Variants in GATC observed in about 807,000 individuals in gnomAD.
The protein encoded by GATC is glutamyl-tRNA(Gln) amidotransferase subunit C, mitochondrial.
A neutral mutation model predicts 14.4 loss-of-function variants in GATC; 11 were observed. The observed-to-expected ratio is 0.77, with a 90% CI of 0.48 to 1.27. The LOEUF is 1.27. GATC is among the 50% of genes most tolerant of loss of function. The pLI is 0.00. For synonymous variants in GATC, 76 were observed against 79.3 expected, an observed-to-expected ratio of 0.96 and a Z score of 0.22; for missense variants, 204 against 183.0, an observed-to-expected ratio of 1.11 and a Z score of -0.66.
intron 2 of GATC, among the ~76,000 whole-genome samples, chr12:120,454,491 G>A (rs375286296): frequency 1.2e-4 from 18 of 151,872 alleles, no homozygotes; most frequent in African/African-American, 4.3e-4. Context: ...CATGATATCC[G>A]CTCACTGCAA....
chr12:120,459,684 G>A (rs1878278932), intron 3 of GATC, among the ~76,000 whole-genome samples: 2 of 152,030 alleles, frequency 1.3e-5, no homozygotes, highest in South Asian at 2.1e-4. Flanking sequence ...GTGAAACCCC[G>A]TCTCTATTAA....
rs1565911904 is a variant in GATC at position 120,446,739 on chromosome 12, C to T, written c.164C>T (p.Ala55Val). ...GACTTCGGCAGCCGCGAGGCAGTGG[C>T]GCGACTGGAGAAAGCTATCGCCTTC... ...LVDFGSREAV[A>V]RLEKAIAFAD... Residue 55 changes from alanine to valine, a missense_variant, in exon 2 of 4, where the codon GCG becomes GTG. Transcript: ENST00000551765. 5 of 1,614,028 alleles carry T rather than the reference C, an allele frequency of 3.1e-6. No individual in the cohort carries two copies. The South Asian group carries it at 4.4e-5, about 14-fold the overall frequency.
intron 2 of GATC, among the ~76,000 whole-genome samples, chr12:120,454,640 C>T (rs1347060192): frequency 6.6e-6 from 1 of 151,430 alleles, no homozygotes. Flanking sequence ...TGGTCTTGAT[C>T]TCCTGACCTC....
intron 2 of GATC, among the ~76,000 whole-genome samples, chr12:120,447,056 G>GT (rs11340122): frequency 9.3e-4 from 133 of 142,610 alleles, no homozygotes; most frequent in Admixed American, 2.8e-3. Flanking sequence ...CACTGCCTTT[G>GT]TTTTTTTTTT....
intron 2 of GATC, among the ~76,000 whole-genome samples, chr12:120,450,044 G>A (rs1021706112): frequency 1.6e-4 from 24 of 152,216 alleles, no homozygotes; most frequent in African/African-American, 5.8e-4. Context: ...TTACAGGCAT[G>A]AGCCACCATG....
Position 120,462,224 on chromosome 12 carries a change from C to T in GATC, c.*2265C>T. The T allele has an allele frequency of 6.6e-7, 1 of 1,520,022 alleles. No homozygotes were observed. Among genetic ancestry groups the T allele is most frequent in the Non-Finnish European group, 8.9e-7 (1 of 1,121,168 alleles). 94.2% of individuals were successfully genotyped at this position (1,520,022 alleles called of 1,614,324 possible). A position where few individuals can be genotyped will look rare whatever the true frequency, so the allele number is the denominator to read the frequency against. ...AAAAAATCAGAGCCAGAAGAATAAG[C>T]AAACCAACATCTAACAATAATAGTT... is the stretch of plus-strand genomic sequence containing the variant. On this transcript the variant is annotated 3_prime_UTR_variant, in exon 4 of 4. Transcript: ENST00000551765.
chr12:120,456,926 C>T (rs777198037), intron 2 of GATC, 150 bp from the exon 3 acceptor site: 8 of 628,592 alleles, frequency 1.3e-5, no homozygotes, highest in Non-Finnish European at 2.3e-5. Context: ...GTTATTTGGT[C>T]TACTGTTGAT....
At chr12:120,453,140 T>G (rs1001354016) in intron 2 of GATC, among the ~76,000 whole-genome samples, 3 of 136,700 alleles carry the variant, frequency 2.2e-5, no homozygotes, top group African/African-American at 7.7e-5. Flanking sequence ...GAAAAGAAGC[T>G]CAAAGAAAGA....
chr12:120,463,176 C>T lies in GATC; in HGVS notation c.*3217C>T, dbSNP rs1247937764. The T allele has an allele frequency of 1.3e-5, 2 of 152,158 alleles. No individual in the cohort carries two copies. Among genetic ancestry groups the T allele is most frequent in the Non-Finnish European group, 2.9e-5 (2 of 68,040 alleles). 9.4% of individuals were successfully genotyped at this position (152,158 alleles called of 1,614,324 possible). ...ATGGTACCAAAGGGATAGTCACCAC[C>T]TCAATCAAACTGAGATCCAAAACAG... On this transcript the variant is annotated 3_prime_UTR_variant, in exon 4 of 4. Coordinates refer to ENST00000551765, the MANE Select transcript of GATC (RefSeq NM_176818.3).
intron 3 of GATC, among the ~76,000 whole-genome samples, chr12:120,457,780 T>A (rs948516145): frequency 6.6e-6 from 1 of 152,018 alleles, no homozygotes; most frequent in Non-Finnish European, 1.5e-5. Context: ...TAATTTTTTG[T>A]ATTTTTAGTA....
intron 3 of GATC, among the ~76,000 whole-genome samples, chr12:120,458,245 T>C (rs1446922437): frequency 1.3e-5 from 2 of 151,866 alleles, no homozygotes; most frequent in South Asian, 2.1e-4. Context: ...CCTGCCACCA[T>C]GCCTGGCTAA....
rs1664268663 is a variant in GATC at position 120,460,107 on chromosome 12, G to A, written c.*148G>A. On this transcript the variant is annotated 3_prime_UTR_variant, in exon 4 of 4. Transcript: ENST00000551765. ...TTTCTTAATAACAGATTCTTCTGAAGACAGAATTGGGAAAGATCTGGCCCC... is the reference window on the plus strand; with the variant it reads ...TTTCTTAATAACAGATTCTTCTGAAAACAGAATTGGGAAAGATCTGGCCCC... The A allele has an allele frequency of 1.7e-6, 1 of 585,776 alleles. No individual in the cohort carries two copies. The highest frequency in any genetic ancestry group is 3.1e-5 in the Admixed American group (1 of 32,034). 36.3% of individuals were successfully genotyped at this position (585,776 alleles called of 1,614,324 possible). A position where few individuals can be genotyped will look rare whatever the true frequency, so the allele number is the denominator to read the frequency against.
At chr12:120,453,010 A>G (rs1413661345) in intron 2 of GATC, among the ~76,000 whole-genome samples, 1 of 152,136 alleles carries the variant, frequency 6.6e-6, no homozygotes, top group Admixed American at 6.6e-5. Context: ...ACTTTTAACC[A>G]AGTTAATTAG....
At position 120,462,575 on chromosome 12, in the gene GATC, G is replaced by A. The variant is rs1282914201; in HGVS notation, c.*2616G>A. 2 of 160,310 alleles carry A rather than the reference G, an allele frequency of 1.2e-5. No homozygotes were observed. Among genetic ancestry groups the A allele is most frequent in the Non-Finnish European group, 2.7e-5 (2 of 72,980 alleles). The allele number at this position is 160,310 out of a possible 1,614,324, so 9.9% of individuals were successfully genotyped here. On this transcript the variant is annotated 3_prime_UTR_variant, in exon 4 of 4. Transcript: ENST00000551765. ...GGATGGGCATCTATGGAAGGAGCTA[G>A]CCTGTATTTAATACCTTCCAGATGT...
At chr12:120,457,529 C>T (rs1878219474) in intron 3 of GATC, among the ~76,000 whole-genome samples, 1 of 151,640 alleles carries the variant, frequency 6.6e-6, no homozygotes, top group South Asian at 2.1e-4. Flanking sequence ...GTATTCATAC[C>T]ATGAATAAAT....
intron 2 of GATC, among the ~76,000 whole-genome samples, chr12:120,451,872 A>ATTTTTTTTTTTTTTTTTTTTTT (rs1555219520): frequency 1.1e-5 from 1 of 88,086 alleles, no homozygotes; most frequent in African/African-American, 4.6e-5. Flanking sequence ...AATTATATAA[A>ATTTTTTTTTTTTTTTTTTTTTT]TTCTTTTTTT....
chr12:120,447,878 C>G (rs1002248402), intron 2 of GATC, among the ~76,000 whole-genome samples: 8 of 152,078 alleles, frequency 5.3e-5, no homozygotes, highest in Non-Finnish European at 1.2e-4. Flanking sequence ...ATCTCAGCCT[C>G]CCAAGTACAG....
chr12:120,462,150 A>G lies in GATC; in HGVS notation c.*2191A>G, dbSNP rs1334997585. ...CTTCTCTCAGGATAAACTCGGATGT[A>G]GGAAGTTTCACCCTGAAATGCAAAC... On this transcript the variant is annotated 3_prime_UTR_variant, in exon 4 of 4. Coordinates refer to ENST00000551765, the MANE Select transcript of GATC (RefSeq NM_176818.3). 1.2e-6 allele frequency: 2 copies of G among 1,611,564 alleles called. No homozygotes were observed. Among genetic ancestry groups the G allele is most frequent in the Non-Finnish European group, 1.7e-6 (2 of 1,179,202 alleles).
intron 2 of GATC, among the ~76,000 whole-genome samples, chr12:120,449,147 A>C (rs1877968600): frequency 6.6e-6 from 1 of 151,662 alleles, no homozygotes; most frequent in South Asian, 2.1e-4. Context: ...TATTTTTAGT[A>C]GAGATGAGGT....
Sources: gnomAD v4.1 joint callset for allele counts (sites outside exome capture counted in the v4.1 genomes callset) on GRCh38, gnomAD v4.1.1 for gene constraint, MANE v1.5 for transcripts, NCBI Gene and HGNC (gene_info 2026-07-23, HGNC 2026-07-21) for gene names.